The following NIPA2 variants were observed in gnomAD, a reference collection of about 807,000 sequenced individuals.
The protein encoded by NIPA2 is magnesium transporter NIPA2.
NIPA2 carries 11 observed loss-of-function variants against 29.7 expected under a neutral mutation model. The ratio of observed to expected loss-of-function variants is 0.37; its 90% CI spans 0.23 to 0.61. The LOEUF (loss-of-function observed/expected upper bound fraction) is 0.61, where lower values mean the gene tolerates loss of function less well. NIPA2 is among the 20% of genes least tolerant of loss of function. The pLI is 0.66. For missense variants in NIPA2, 426 were observed against 437.9 expected (o/e 0.97, Z 0.24); for synonymous variants, 183 against 161.9 (o/e 1.13, Z -0.99).
chr15:22,857,666 G>A (rs1369775711), intron 5 of NIPA2, among the ~76,000 whole-genome samples: 12 of 151,424 alleles, frequency 7.9e-5, no homozygotes, highest in Admixed American at 5.9e-4. Context: ...GTGAAACCCC[G>A]TCTCTACTAA....
intron 5 of NIPA2, among the ~76,000 whole-genome samples, chr15:22,857,962 A>G (rs1471349646): frequency 1.3e-5 from 2 of 152,096 alleles, no homozygotes; most frequent in Admixed American, 6.6e-5. Context: ...TCTATTTAAA[A>G]TTTTTATTAA....
At chr15:22,861,287 T>C (rs1174839971) in intron 7 of NIPA2, among the ~76,000 whole-genome samples, 1 of 152,214 alleles carries the variant, frequency 6.6e-6, no homozygotes, top group African/African-American at 2.4e-5. Flanking sequence ...CTTTGTTTCA[T>C]CTCTTTTGGA....
chr15:22,862,049 C>CTCTCTTTT (rs1555387456), intron 7 of NIPA2, among the ~76,000 whole-genome samples: 26 of 103,948 alleles, frequency 2.5e-4, no homozygotes, highest in South Asian at 1.5e-3. Context: ...ATGGGTCTCT[C>CTCTCTTTT]TTTTTTTTTT....
intron 4 of NIPA2, 31 bp from the exon 5 acceptor site, chr15:22,853,181 C>T (rs1449316088): frequency 1.3e-6 from 2 of 1,487,232 alleles, no homozygotes; most frequent in East Asian, 2.3e-5. Flanking sequence ...TTACAGTCTT[C>T]CAAAGATGTG....
Position 22,866,900 on chromosome 15 carries a change from T to C in NIPA2, c.*53T>C, listed in dbSNP as rs918716322. 4.1e-6 allele frequency: 6 copies of C among 1,449,148 alleles called. No homozygotes were observed. In the Admixed American group the frequency reaches 8.7e-5, roughly 21 times the overall value. 89.8% of individuals were successfully genotyped at this position (1,449,148 alleles called of 1,614,324 possible). A position where few individuals can be genotyped will look rare whatever the true frequency, so the allele number is the denominator to read the frequency against. On this transcript the variant is annotated 3_prime_UTR_variant, in exon 8 of 8. Coordinates refer to ENST00000337451, the MANE Select transcript of NIPA2 (RefSeq NM_030922.7). ...GATTGTTATGAAGTGAATTTGAATATCATCAGAATGTGTCTGAAAAAACAT... is the reference window on the plus strand; with the variant it reads ...GATTGTTATGAAGTGAATTTGAATACCATCAGAATGTGTCTGAAAAAACAT...
chr15:22,866,792 A>G lies in NIPA2; in HGVS notation c.1028A>G (p.Glu343Gly). Residue 343 changes from glutamate (E) to glycine (G), a missense_variant, in exon 8 of 8, where the codon GAA (glutamate) becomes GGA (glycine). Transcript: ENST00000337451. Reference sequence around the variant, plus strand: ...GAAGAAAGCTTAACCTGTGGAATCGAACAACACACTGGTGAAAATGTCTCC... The same window carrying G: ...GAAGAAAGCTTAACCTGTGGAATCGGACAACACACTGGTGAAAATGTCTCC... ...NNEESLTCGI[E>G]QHTGENVSRR... 3.7e-6 allele frequency: 6 copies of G among 1,611,754 alleles called. No homozygotes were observed. The highest frequency in any genetic ancestry group is 5.1e-6 in the Non-Finnish European group (6 of 1,178,532).
At position 22,856,488 on chromosome 15, in the gene NIPA2, A is replaced by C. The variant is rs538205616; in HGVS notation, c.197-2052A>C. ...AAAGATATTTGAGACATTGCAGCCAAATTCCTTGATTGAATTTTAACAGTA... is the reference window on the plus strand; with the variant it reads ...AAAGATATTTGAGACATTGCAGCCACATTCCTTGATTGAATTTTAACAGTA... On this transcript the variant is annotated intron_variant, in intron 5 of 7. Transcript: ENST00000337451. Among the ~76,000 whole-genome samples, 9 of 152,222 alleles carry C rather than the reference A, an allele frequency of 5.9e-5. 1 individual carries two copies. In the South Asian group the frequency reaches 1.9e-3, roughly 32 times the overall value.
At chr15:22,849,238 T>A (rs546038695) in intron 3 of NIPA2, among the ~76,000 whole-genome samples, 254 of 152,242 alleles carry the variant, frequency 1.7e-3, no homozygotes, top group African/African-American at 5.9e-3. Flanking sequence ...AGATGACCAG[T>A]ATTTGGCACA....
intron 3 of NIPA2, among the ~76,000 whole-genome samples, chr15:22,847,574 C>T (rs1158540504): frequency 6.6e-6 from 1 of 151,900 alleles, no homozygotes; most frequent in African/African-American, 2.4e-5. Flanking sequence ...AAGCAGTTCT[C>T]CTGCCTCAGC....
At chr15:22,855,885 C>T (rs944427921) in intron 5 of NIPA2, among the ~76,000 whole-genome samples, 21 of 152,164 alleles carry the variant, frequency 1.4e-4, no homozygotes, top group African/African-American at 3.4e-4. Flanking sequence ...TGATACATAG[C>T]CCTCAGTGAC....
intron 5 of NIPA2, among the ~76,000 whole-genome samples, chr15:22,854,302 T>C (rs138930940): frequency 1.3e-5 from 2 of 151,250 alleles, no homozygotes; most frequent in Non-Finnish European, 3.0e-5. Flanking sequence ...AATTTTTGTA[T>C]TTTTAGTAGG....
At chr15:22,852,357 T>C (rs2057817794) in intron 4 of NIPA2, among the ~76,000 whole-genome samples, 1 of 151,468 alleles carries the variant, frequency 6.6e-6, no homozygotes, top group African/African-American at 2.4e-5. Flanking sequence ...TCCCAGCTAC[T>C]CAGGAGGATG....
Position 22,867,398 on chromosome 15 carries a change from A to AG in NIPA2, c.*554dup. The AG allele has an allele frequency of 2.6e-6, 1 of 385,586 alleles. No homozygotes were observed. The highest frequency in any genetic ancestry group is 3.7e-5 in the East Asian group (1 of 27,166). The allele number at this position is 385,586 out of a possible 1,614,324, so 23.9% of individuals were successfully genotyped here. On this transcript the variant is annotated 3_prime_UTR_variant, in exon 8 of 8. Transcript: ENST00000337451. The stretch of plus-strand genomic sequence containing the variant: ...ACCTCTTTCTTACAAAACAAAAAAA[A>AG]GGGCAGAAATCACCCCAAGGAACGA...
At chr15:22,854,299 G>A (rs1174508351) in intron 5 of NIPA2, among the ~76,000 whole-genome samples, 1 of 150,958 alleles carries the variant, frequency 6.6e-6, no homozygotes, top group African/African-American at 2.4e-5. Flanking sequence ...GCTAATTTTT[G>A]TATTTTTAGT....
chr15:22,845,342 T>C (rs1898300847), intron 3 of NIPA2, 75 bp downstream of exon 3: 1 of 152,138 alleles, frequency 6.6e-6, no homozygotes, highest in African/African-American at 2.4e-5. Context: ...GCAAATTGTA[T>C]GCTGCTTGTC....
chr15:22,860,882 T>G lies in NIPA2; in HGVS notation c.448+93T>G, dbSNP rs142962882. 69 of 880,798 alleles carry G rather than the reference T, an allele frequency of 7.8e-5. No homozygotes were observed. In the African/African-American group the frequency reaches 1.1e-3, roughly 14 times the overall value. The allele number at this position is 880,798 out of a possible 1,614,324, so 54.6% of individuals were successfully genotyped here. A position where few individuals can be genotyped will look rare whatever the true frequency, so the allele number is the denominator to read the frequency against. ...TTTGATGAGCACATAAGGAAAGAAA[T>G]TGTTCCACCTGGTAGAAGAACAAAT... On this transcript the variant is annotated intron_variant, in intron 7 of 7. Transcript: ENST00000337451.
rs941708967 is a variant in NIPA2 at position 22,868,047 on chromosome 15, C to T, written c.*1200C>T. 1.3e-5 allele frequency: 2 copies of T among 152,248 alleles called. No homozygotes were observed. The highest frequency in any genetic ancestry group is 2.9e-5 in the Non-Finnish European group (2 of 68,046). The allele number at this position is 152,248 out of a possible 1,614,324, so 9.4% of individuals were successfully genotyped here. A position where few individuals can be genotyped will look rare whatever the true frequency, so the allele number is the denominator to read the frequency against. ...TGTTCGCCTGTTCCAGCCTGTGGCTCCTGCCTGGAGGTTACCCAGTGGTGC... is the reference window on the plus strand; with the variant it reads ...TGTTCGCCTGTTCCAGCCTGTGGCTTCTGCCTGGAGGTTACCCAGTGGTGC... On this transcript the variant is annotated 3_prime_UTR_variant, in exon 8 of 8. Coordinates refer to ENST00000337451, the MANE Select transcript of NIPA2 (RefSeq NM_030922.7).
chr15:22,844,479 G>C (rs377169107), intron 2 of NIPA2, among the ~76,000 whole-genome samples: 2 of 152,056 alleles, frequency 1.3e-5, no homozygotes, highest in African/African-American at 4.8e-5. Context: ...GCTTGAACCC[G>C]GGAGACGGAG....
chr15:22,858,564 T>A lies in NIPA2; in HGVS notation c.221T>A (p.Phe74Tyr). 2 of 1,607,300 alleles carry A rather than the reference T, an allele frequency of 1.2e-6. No individual in the cohort carries two copies. Among genetic ancestry groups the A allele is most frequent in the Non-Finnish European group, 1.7e-6 (2 of 1,175,944 alleles). The change falls in exon 6 of 8, where the codon TTC (phenylalanine) becomes TAC (tyrosine). Residue 74 changes from phenylalanine to tyrosine, a missense_variant. Phe to Tyr is a conservative substitution (Grantham distance 22). Around this residue, in one of 3 missense-constraint regions of NIPA2, gnomAD observed 12 missense variants for 31.5 expected, o/e 0.38. Transcript: ENST00000337451. ...GTGGGAGCTGGTGAGGTGGCCAACT[T>A]CGCTGCGTATGCGTTTGCACCAGCC... Reference protein sequence around the residue: ...LSMGAGEVANFAAYAFAPATL... With the variant: ...LSMGAGEVANYAAYAFAPATL...
Sources: allele counts gnomAD v4.1 joint callset (sites outside exome capture counted in the v4.1 genomes callset), GRCh38; gene constraint gnomAD v4.1.1; regional missense constraint gnomAD v4.1.1; transcripts MANE v1.5; gene names NCBI Gene and HGNC (gene_info 2026-07-23, HGNC 2026-07-21).